The following EPHA7 variants were observed in gnomAD, a reference collection of about 807,000 sequenced individuals.
The protein encoded by EPHA7 is EPH receptor A7, also known as ephrin type-A receptor 7.
A neutral mutation model predicts 112.6 loss-of-function variants in EPHA7; 25 were observed. That is an observed-to-expected ratio of 0.22 (90% confidence interval 0.16 to 0.31). The LOEUF (loss-of-function observed/expected upper bound fraction) is 0.31. Ranked by LOEUF, EPHA7 falls within the 10% of genes least tolerant of loss-of-function variation. The pLI, the probability that EPHA7 is intolerant of heterozygous loss-of-function variation, is 1.00. For synonymous variants in EPHA7, 437 were observed against 406.5 expected, an observed-to-expected ratio of 1.07 and a Z score of -0.90; for missense variants, 962 against 1,212.6, an observed-to-expected ratio of 0.79 and a Z score of 3.07.
intron 6 of EPHA7, among the ~76,000 whole-genome samples, 178 bp from the exon 7 acceptor site, chr6:93,269,838 C>T (rs1432490013): frequency 6.6e-6 from 1 of 151,698 alleles, no homozygotes; most frequent in South Asian, 2.1e-4. Context: ...ATGTGAAACA[C>T]ATGCCTTTGT....
chr6:93,399,794 A>G (rs934969869), intron 3 of EPHA7, among the ~76,000 whole-genome samples: 1 of 152,062 alleles, frequency 6.6e-6, no homozygotes, highest in African/African-American at 2.4e-5. Context: ...AGGAAACTGG[A>G]AAGAGTAAGA....
Position 93,344,708 on chromosome 6 carries a change from T to C in EPHA7, c.1324+12009A>G, listed in dbSNP as rs142813228. On this transcript the variant is annotated intron_variant, in intron 5 of 16. Coordinates refer to ENST00000369303, the MANE Select transcript of EPHA7 (RefSeq NM_004440.4). ...CAAATCCAGTAGACTTTCTTGTGTCTTCATTCTATTGACCTCCTGTGACAC... is the reference window on the plus strand; with the variant it reads ...CAAATCCAGTAGACTTTCTTGTGTCCTCATTCTATTGACCTCCTGTGACAC... Among the ~76,000 whole-genome samples, 402 of 151,672 alleles carry C rather than the reference T, an allele frequency of 2.7e-3. 4 individuals are homozygous for C. The highest frequency in any genetic ancestry group is 9.3e-3 in the African/African-American group (386 of 41,474).
intron 3 of EPHA7, among the ~76,000 whole-genome samples, chr6:93,384,648 G>A (rs767169393): frequency 6.6e-6 from 1 of 152,070 alleles, no homozygotes; most frequent in Non-Finnish European, 1.5e-5. Context: ...GCCCTCACAG[G>A]ATCGCACATT....
intron 7 of EPHA7, among the ~76,000 whole-genome samples, chr6:93,265,350 TA>T (rs925697144): frequency 2.6e-5 from 4 of 151,676 alleles, no homozygotes; most frequent in African/African-American, 9.7e-5. Flanking sequence ...GCAAGTGCTT[TA>T]AAAAACACTA....
Position 93,241,135 on chromosome 6 carries a change from G to C in EPHA7, c.*2291C>G. ...ACTATAAATCTAGTGCTAGAAAAAA[G>C]CAGGAAAGACACCGTTTGCATGTAC... On this transcript the variant is annotated 3_prime_UTR_variant, in exon 17 of 17. Coordinates refer to ENST00000369303, the MANE Select transcript of EPHA7 (RefSeq NM_004440.4). 1 of 205,248 alleles carries C rather than the reference G, an allele frequency of 4.9e-6. No individual in the cohort carries two copies. Among genetic ancestry groups the C allele is most frequent in the Non-Finnish European group, 1.0e-5 (1 of 100,282 alleles). The allele number at this position is 205,248 out of a possible 1,614,324, so 12.7% of individuals were successfully genotyped here.
intron 3 of EPHA7, among the ~76,000 whole-genome samples, chr6:93,377,265 A>G (rs1450523078): frequency 1.3e-5 from 2 of 152,192 alleles, no homozygotes; most frequent in Non-Finnish European, 2.9e-5. Flanking sequence ...CAAAATGTCA[A>G]TAGTGCTACT....
At chr6:93,307,991 TAAAG>T (rs751256551) in intron 5 of EPHA7, among the ~76,000 whole-genome samples, 1 of 152,172 alleles carries the variant, frequency 6.6e-6, no homozygotes, top group Non-Finnish European at 1.5e-5. Flanking sequence ...ACTATCAGAA[TAAAG>T]AGAGAATATG....
At chr6:93,297,627 G>A (rs1403473540) in intron 5 of EPHA7, among the ~76,000 whole-genome samples, 1 of 152,058 alleles carries the variant, frequency 6.6e-6, no homozygotes, top group African/African-American at 2.4e-5. Context: ...GAAATGGAAG[G>A]TTCTTTGTAA....
At chr6:93,259,589 A>C (rs1299740639) in intron 9 of EPHA7, 110 bp from the exon 10 acceptor site, 1 of 1,292,508 alleles carries the variant, frequency 7.7e-7, no homozygotes, top group African/African-American at 1.5e-5. Context: ...ACTTGCTTCC[A>C]CATCACCTGA....
intron 5 of EPHA7, among the ~76,000 whole-genome samples, chr6:93,311,875 A>G (rs1773560554): frequency 1.3e-5 from 2 of 152,202 alleles, no homozygotes; most frequent in Admixed American, 6.5e-5. Context: ...AGCAGGCATG[A>G]CAATAATATT....
intron 3 of EPHA7, among the ~76,000 whole-genome samples, chr6:93,406,456 T>C (rs892094057): frequency 2.0e-5 from 3 of 151,908 alleles, no homozygotes; most frequent in Non-Finnish European, 2.9e-5. Context: ...AGTTTTTTAG[T>C]AACTAAAATC....
At chr6:93,381,650 T>C (rs1309934656) in intron 3 of EPHA7, among the ~76,000 whole-genome samples, 5 of 152,150 alleles carry the variant, frequency 3.3e-5, no homozygotes, top group Admixed American at 1.3e-4. Flanking sequence ...CAATGGTTGT[T>C]GGAACAAATA....
At chr6:93,336,178 TATA>T (rs2127911581) in intron 5 of EPHA7, among the ~76,000 whole-genome samples, 2 of 152,250 alleles carry the variant, frequency 1.3e-5, no homozygotes, top group East Asian at 3.9e-4. Flanking sequence ...AAAAATAATA[TATA>T]ATCATCACAT....
chr6:93,292,857 T>C (rs1361934636), intron 5 of EPHA7, among the ~76,000 whole-genome samples: 3 of 152,144 alleles, frequency 2.0e-5, no homozygotes, highest in Non-Finnish European at 4.4e-5. Flanking sequence ...GTATTCAAGA[T>C]AAATCTGCGC....
chr6:93,266,939 A>G (rs1235017419), intron 7 of EPHA7, among the ~76,000 whole-genome samples: 2 of 151,784 alleles, frequency 1.3e-5, no homozygotes, highest in Admixed American at 1.3e-4. Context: ...GAGAGTCCTC[A>G]AGAACTTTTC....
At chr6:93,411,938 T>G (rs1778995914) in intron 2 of EPHA7, among the ~76,000 whole-genome samples, 1 of 152,068 alleles carries the variant, frequency 6.6e-6, no homozygotes, top group Non-Finnish European at 1.5e-5. Flanking sequence ...AAATGTCCAT[T>G]TATATGTTGA....
chr6:93,382,179 T>A (rs566505130), intron 3 of EPHA7, among the ~76,000 whole-genome samples: 1 of 152,240 alleles, frequency 6.6e-6, no homozygotes, highest in South Asian at 2.1e-4. Flanking sequence ...CCAACCCTTT[T>A]GGTACCAGGG....
rs1770812901 is a variant in EPHA7, at chr6:93,264,009, G to C, written c.1743-94C>G. ...ACCTTAGTTACTCAACAACTTACTA[G>C]AGTTAAATTTACTGTTCATAGTTAT... On this transcript the variant is annotated intron_variant, in intron 8 of 16. Transcript: ENST00000369303. 4.8e-6 allele frequency: 4 copies of C among 838,388 alleles called. No individual in the cohort carries two copies. The South Asian group carries it at 7.8e-5, about 16-fold the overall frequency. The allele number at this position is 838,388 out of a possible 1,614,324, so 51.9% of individuals were successfully genotyped here.
Position 93,255,996 on chromosome 6 carries a change from C to G in EPHA7, c.2214G>C (p.Met738Ile), listed in dbSNP as rs1208009700. 6.2e-7 allele frequency: 1 copy of G among 1,614,042 alleles called. No homozygotes were observed. Residue 738 changes from methionine to isoleucine, a missense_variant, in exon 13 of 17, where the codon ATG becomes ATC. Transcript: ENST00000369303. The stretch of plus-strand genomic sequence containing the variant: ...TCATTCCAGCAGCAATTCCTCTCAG[C>G]ATTCCTACTAACTGAATGACTGTAA... ...GQFTVIQLVG[M>I]LRGIAAGMRY...
Sources: gnomAD v4.1 joint callset for allele counts (sites outside exome capture counted in the v4.1 genomes callset) on GRCh38, gnomAD v4.1.1 for gene constraint, MANE v1.5 for transcripts, NCBI Gene and HGNC (gene_info 2026-07-23, HGNC 2026-07-21) for gene names.